NUDT3: variants seen among roughly 807,000 people sequenced by gnomAD.
NUDT3 encodes nudix hydrolase 3, also known as diphosphoinositol polyphosphate phosphohydrolase 1.
A neutral mutation model predicts 23.6 loss-of-function variants in NUDT3; 9 were observed. The ratio of observed to expected loss-of-function variants is 0.38; its 90% CI spans 0.23 to 0.66. NUDT3 has a LOEUF of 0.66. Among genes scored for constraint, NUDT3 ranks in the 30% least tolerant of loss-of-function variants. The pLI is 0.52. For missense variants in NUDT3, 172 were observed against 218.5 expected (o/e 0.79, Z 1.34); for synonymous variants, 86 against 82.6 (o/e 1.04, Z -0.22).
intron 1 of NUDT3, among the ~76,000 whole-genome samples, chr6:34,365,998 G>A (rs1282227990): frequency 6.6e-6 from 1 of 152,060 alleles, no homozygotes; most frequent in African/African-American, 2.4e-5. Context: ...CCAAGATTGC[G>A]CCACTGCACT....
At chr6:34,386,950 C>CA (rs1240160035) in intron 1 of NUDT3, among the ~76,000 whole-genome samples, 2 of 151,886 alleles carry the variant, frequency 1.3e-5, no homozygotes, top group Non-Finnish European at 2.9e-5. Flanking sequence ...CCTATCTCTA[C>CA]AAAAAAATAC....
At chr6:34,392,195 GC>G in intron 1 of NUDT3, 68 bp downstream of exon 1, 1 of 1,279,604 alleles carries the variant, frequency 7.8e-7, no homozygotes. Context: ...CGGCGGCCGC[GC>G]CCCTCGCGCC....
chr6:34,340,385 G>A lies in NUDT3; in HGVS notation c.210+1477C>T, dbSNP rs460389. ...AAAGGACATTCATACTCATGTTCTC[G>A]TTTGAACCTCATATTCCCCTCCCCT... is the stretch of plus-strand genomic sequence containing the variant. On this transcript the variant is annotated intron_variant, in intron 2 of 4. Coordinates refer to ENST00000607016, the MANE Select transcript of NUDT3 (RefSeq NM_006703.4). Among the ~76,000 whole-genome samples, 367 of 152,244 alleles carry A rather than the reference G, an allele frequency of 2.4e-3. 2 individuals are homozygous for A. Among genetic ancestry groups the A allele is most frequent in the African/African-American group, 8.4e-3 (347 of 41,540 alleles).
chr6:34,365,047 T>G (rs1034320909), intron 1 of NUDT3, among the ~76,000 whole-genome samples: 21 of 151,760 alleles, frequency 1.4e-4, no homozygotes, highest in African/African-American at 5.1e-4. Flanking sequence ...ATAAATAAAA[T>G]AAAAGAACCA....
chr6:34,385,686 C>CTTT (rs541577321), intron 1 of NUDT3, among the ~76,000 whole-genome samples: 1 of 140,348 alleles, frequency 7.1e-6, no homozygotes, highest in South Asian at 2.3e-4. Context: ...GCAGTAATTT[C>CTTT]TTTTTTTTTT....
intron 2 of NUDT3, among the ~76,000 whole-genome samples, chr6:34,332,916 C>CT: frequency 6.6e-6 from 1 of 152,244 alleles, no homozygotes; most frequent in Admixed American, 6.5e-5. Flanking sequence ...CACAGCTTCC[C>CT]TTTTTTCCCC....
intron 1 of NUDT3, among the ~76,000 whole-genome samples, chr6:34,390,271 G>A (rs1581907959): frequency 6.6e-6 from 1 of 151,636 alleles, no homozygotes; most frequent in East Asian, 1.9e-4. Flanking sequence ...TCCAGCCTGG[G>A]CGACATAGCA....
chr6:34,373,480 C>A (rs1764870577), intron 1 of NUDT3, among the ~76,000 whole-genome samples: 1 of 151,912 alleles, frequency 6.6e-6, no homozygotes, highest in Admixed American at 6.6e-5. Context: ...CACGTAGGCA[C>A]CACAGAGGAT....
Position 34,288,798 on chromosome 6 carries a change from G to C in NUDT3, c.474C>G (p.Thr158=). The C allele has an allele frequency of 6.2e-7, 1 of 1,613,996 alleles. No individual in the cohort carries two copies. Among genetic ancestry groups the C allele is most frequent in the Non-Finnish European group, 8.5e-7 (1 of 1,179,968 alleles). ...SANNGTPVVA[T]TYSVSAQSSM... is the part of the protein sequence containing the mutation. ...AGCTCTGAGCAGAAACCGAGTATGT[G>C]GTGGCCACGACTGGGGTGCCATTGT... The change falls in exon 5 of 5, where the codon ACC becomes ACG. Residue 158 remains threonine, a synonymous_variant. Coordinates refer to ENST00000607016, the MANE Select transcript of NUDT3 (RefSeq NM_006703.4).
intron 1 of NUDT3, among the ~76,000 whole-genome samples, chr6:34,383,041 C>T (rs1765048171): frequency 1.3e-5 from 2 of 149,968 alleles, no homozygotes; most frequent in African/African-American, 2.5e-5. Flanking sequence ...GCAGGAGAAT[C>T]GTTTGAACCT....
intron 1 of NUDT3, among the ~76,000 whole-genome samples, chr6:34,369,887 C>A (rs961177329): frequency 1.3e-5 from 2 of 152,144 alleles, no homozygotes; most frequent in Non-Finnish European, 2.9e-5. Flanking sequence ...GTATGACTAA[C>A]ACATGCCACT....
chr6:34,341,087 G>A (rs192166267), intron 2 of NUDT3, among the ~76,000 whole-genome samples: 7 of 152,266 alleles, frequency 4.6e-5, no homozygotes, highest in Admixed American at 3.9e-4. Context: ...ATGTGGCCAG[G>A]GCGAGTAAAC....
chr6:34,304,955 A>G (rs1763657127), intron 2 of NUDT3, among the ~76,000 whole-genome samples: 1 of 128,958 alleles, frequency 7.8e-6, no homozygotes, highest in Admixed American at 8.1e-5. Flanking sequence ...TATAGGCATG[A>G]GCCACTGTGC....
At chr6:34,295,821 G>C in intron 2 of NUDT3, 136 bp from the exon 3 acceptor site, 1 of 965,738 alleles carries the variant, frequency 1.0e-6, no homozygotes, top group Non-Finnish European at 1.5e-6. Flanking sequence ...GATCTGTGAA[G>C]TGATACCAGT....
chr6:34,285,076 T>A lies in NUDT3; in HGVS notation c.*3677A>T, dbSNP rs1763318536. ...TCTGCAGCCTGAGAGGGGGTGATAC[T>A]CCCACACCCTTTGATCCTTCCAGAT... is the stretch of plus-strand genomic sequence containing the variant. On this transcript the variant is annotated 3_prime_UTR_variant, in exon 5 of 5. Coordinates refer to ENST00000607016, the MANE Select transcript of NUDT3 (RefSeq NM_006703.4). 1 of 152,126 alleles carries A rather than the reference T, an allele frequency of 6.6e-6. No homozygotes were observed. Among genetic ancestry groups the A allele is most frequent in the Non-Finnish European group, 1.5e-5 (1 of 68,050 alleles). The allele number at this position is 152,126 out of a possible 1,614,324, so 9.4% of individuals were successfully genotyped here.
chr6:34,377,604 C>T (rs1297304985), intron 1 of NUDT3, among the ~76,000 whole-genome samples: 4 of 151,536 alleles, frequency 2.6e-5, no homozygotes, highest in Admixed American at 1.3e-4. Flanking sequence ...GAAGCTGAGA[C>T]GGACAGATCA....
intron 2 of NUDT3, among the ~76,000 whole-genome samples, chr6:34,336,457 C>A (rs1364330954): frequency 1.3e-5 from 2 of 152,044 alleles, no homozygotes; most frequent in East Asian, 3.8e-4. Context: ...TTTGTATATA[C>A]TGAATAGTAA....
intron 4 of NUDT3, among the ~76,000 whole-genome samples, chr6:34,290,798 A>G (rs1204477869): frequency 6.7e-6 from 1 of 148,892 alleles, no homozygotes; most frequent in Non-Finnish European, 1.5e-5. Flanking sequence ...TGTGATTATT[A>G]TTATTATTAT....
intron 1 of NUDT3, among the ~76,000 whole-genome samples, chr6:34,378,838 C>G (rs1388453178): frequency 2.0e-5 from 3 of 152,202 alleles, no homozygotes; most frequent in African/African-American, 7.2e-5. Flanking sequence ...TAATTTTATG[C>G]CAGAAAAATC....
Sources: allele counts gnomAD v4.1 joint callset (sites outside exome capture counted in the v4.1 genomes callset), GRCh38; gene constraint gnomAD v4.1.1; transcripts MANE v1.5; gene names NCBI Gene and HGNC (gene_info 2026-07-23, HGNC 2026-07-21).